Variants in SYNE2 observed in about 807,000 individuals in gnomAD.
SYNE2 encodes nesprin-2.
A neutral mutation model predicts 856.3 loss-of-function variants in SYNE2; 431 were observed. That is an observed-to-expected ratio of 0.50 (90% confidence interval 0.47 to 0.55). The LOEUF (loss-of-function observed/expected upper bound fraction) is 0.55, where lower values mean the gene tolerates loss of function less well. Among genes scored for constraint, SYNE2 ranks in the 20% least tolerant of loss-of-function variants. The pLI, the probability that SYNE2 is intolerant of heterozygous loss-of-function variation, is 0.00. For synonymous variants in SYNE2, 2,923 were observed against 2,872.3 expected (o/e 1.02, Z -0.56); for missense variants, 8,129 against 8,023.2 (o/e 1.01, Z -0.50).
intron 1 of SYNE2, among the ~76,000 whole-genome samples, chr14:63,858,927 T>TC (rs1367879152): frequency 4.6e-5 from 7 of 152,222 alleles, no homozygotes; most frequent in African/African-American, 1.7e-4. Flanking sequence ...AAAGGCTTTC[T>TC]CCTATGATTT....
chr14:64,219,842 G>A (rs1033255908), intron 110 of SYNE2, among the ~76,000 whole-genome samples: 11 of 152,130 alleles, frequency 7.2e-5, no homozygotes, highest in Non-Finnish European at 1.6e-4. Flanking sequence ...GATGAATCCC[G>A]TGGCCTGACC....
At chr14:64,208,532 G>GTCCTA (rs1481833736) in intron 100 of SYNE2, among the ~76,000 whole-genome samples, 1 of 152,196 alleles carries the variant, frequency 6.6e-6, no homozygotes, top group Non-Finnish European at 1.5e-5. Context: ...CAGCGCATAA[G>GTCCTA]TCCTAGATGT....
In SYNE2 at chr14:64,202,378, G is replaced by A. The variant is rs2098577069; in HGVS notation, c.18039-423G>A. On this transcript the variant is annotated intron_variant, in intron 99 of 115. Coordinates refer to ENST00000555002, the MANE Select transcript of SYNE2 (RefSeq NM_182914.3). Reference sequence around the variant, plus strand: ...CGTGTAACATCTTTAATCTCCCAGGGTAGATCACCGGCTGCTGCAGTCTCA... The same window carrying A: ...CGTGTAACATCTTTAATCTCCCAGGATAGATCACCGGCTGCTGCAGTCTCA... 5 of 680,640 alleles carry A rather than the reference G, an allele frequency of 7.3e-6. No individual in the cohort carries two copies. The South Asian group carries it at 7.9e-5, about 11-fold the overall frequency. The allele number at this position is 680,640 out of a possible 1,614,324, so 42.2% of individuals were successfully genotyped here.
intron 97 of SYNE2, among the ~76,000 whole-genome samples, chr14:64,188,073 A>G (rs1374712093): frequency 1.3e-5 from 2 of 152,342 alleles, no homozygotes; most frequent in South Asian, 2.1e-4. Context: ...GAAGCATAAC[A>G]CTAAGGACAT....
At chr14:64,058,249 G>A (rs988895536) in intron 49 of SYNE2, among the ~76,000 whole-genome samples, 8 of 152,110 alleles carry the variant, frequency 5.3e-5, no homozygotes, top group African/African-American at 1.9e-4. Flanking sequence ...AGTTTCATAG[G>A]TCTTAGATTT....
rs2098404851 is a variant in SYNE2, at chr14:64,170,363, G to C, written c.17136G>C (p.Leu5712Phe). 6.2e-7 allele frequency: 1 copy of C among 1,614,162 alleles called. No individual in the cohort carries two copies. Among genetic ancestry groups the C allele is most frequent in the East Asian group, 2.2e-5 (1 of 44,892 alleles). Residue 5712 changes from leucine (L) to phenylalanine (F), a missense_variant, in exon 94 of 116, where the codon TTG becomes TTC. Leu to Phe is a conservative substitution (Grantham distance 22). Transcript: ENST00000555002. ...WQDFTTSVEN[L>F]FRFLTDTSHL... ...ATTTCACTACTTCTGTGGAGAACTT[G>C]TTTCGCTTCCTCACTGACACCAGCC... is the stretch of plus-strand genomic sequence containing the variant.
At chr14:64,163,924 C>CT (rs888503721) in intron 89 of SYNE2, among the ~76,000 whole-genome samples, 1 of 151,738 alleles carries the variant, frequency 6.6e-6, no homozygotes, top group Non-Finnish European at 1.5e-5. Flanking sequence ...TCTTCATTCA[C>CT]TTTTTTTTAT....
intron 85 of SYNE2, 133 bp from the exon 86 acceptor site, chr14:64,158,492 C>T (rs962315500): frequency 3.8e-5 from 36 of 948,600 alleles, no homozygotes; most frequent in Non-Finnish European, 5.2e-5. Flanking sequence ...ACCCTTTCCA[C>T]CTTCAGTTAA....
chr14:63,976,751 G>A lies in SYNE2; in HGVS notation c.1293+24G>A, dbSNP rs369273360. 4.2e-5 allele frequency: 67 copies of A among 1,607,944 alleles called. No individual in the cohort carries two copies. In the African/African-American group the frequency reaches 7.3e-4, roughly 18 times the overall value. ...AGGTTGGAAAAGAAAAAAAAGAGAT[G>A]TAGGAAAATACATATTTTGTTAGGG... is the stretch of plus-strand genomic sequence containing the variant. On this transcript the variant is annotated intron_variant, in intron 12 of 115. Transcript: ENST00000555002.
At chr14:64,109,039 C>T (rs537405584) in intron 65 of SYNE2, among the ~76,000 whole-genome samples, 68 of 152,056 alleles carry the variant, frequency 4.5e-4, no homozygotes, top group Non-Finnish European at 8.8e-4. Flanking sequence ...TCACGCCTGG[C>T]TAATTTTTGT....
intron 55 of SYNE2, among the ~76,000 whole-genome samples, chr14:64,079,925 C>G (rs2097505316): frequency 6.6e-6 from 1 of 152,154 alleles, no homozygotes; most frequent in Non-Finnish European, 1.5e-5. Flanking sequence ...GTCTTGAACT[C>G]CTGGCCTCAA....
chr14:64,011,436 T>G (rs1213066023), intron 32 of SYNE2, among the ~76,000 whole-genome samples: 1 of 152,084 alleles, frequency 6.6e-6, no homozygotes, highest in Non-Finnish European at 1.5e-5. Context: ...GTTTCCTAGG[T>G]TCTTAGAGAA....
intron 78 of SYNE2, among the ~76,000 whole-genome samples, chr14:64,137,355 A>G (rs1421980272): frequency 1.3e-5 from 2 of 152,014 alleles, no homozygotes; most frequent in Non-Finnish European, 2.9e-5. Flanking sequence ...GTGCGCCACC[A>G]AGTCCCGCCT....
chr14:63,935,809 T>C (rs2095823536), intron 2 of SYNE2, among the ~76,000 whole-genome samples: 1 of 151,822 alleles, frequency 6.6e-6, no homozygotes. Flanking sequence ...AGTCCAGGAG[T>C]TCAAGACCAG....
Position 64,130,263 on chromosome 14 carries a change from T to C in SYNE2, c.14340+15T>C, listed in dbSNP as rs762073701. The C allele has an allele frequency of 2.5e-6, 4 of 1,604,812 alleles. No homozygotes were observed. In the South Asian group the frequency reaches 3.3e-5, roughly 13 times the overall value. The stretch of plus-strand genomic sequence containing the variant: ...AAAATCACAAGGTGAGACAGACACA[T>C]GGGTCGGGTGACCCCTTCATAGACT... On this transcript the variant is annotated intron_variant, in intron 76 of 115. Coordinates refer to ENST00000555002, the MANE Select transcript of SYNE2 (RefSeq NM_182914.3).
intron 3 of SYNE2, among the ~76,000 whole-genome samples, chr14:63,941,142 CA>C (rs2095909412): frequency 6.6e-6 from 1 of 152,156 alleles, no homozygotes; most frequent in African/African-American, 2.4e-5. Context: ...TGTGGTCACA[CA>C]GCTTAAAAGT....
rs888915541 is a variant in SYNE2, at chr14:64,190,587, T to C, written c.18038+350T>C. 74 of 701,872 alleles carry C rather than the reference T, an allele frequency of 1.1e-4. No individual in the cohort carries two copies. The East Asian group carries it at 2.0e-3, about 19-fold the overall frequency. 43.5% of individuals were successfully genotyped at this position (701,872 alleles called of 1,614,324 possible). ...TGTCCCCACAGTGGAGCCATGCCCG[T>C]TGCTCCTGCCTCAGTATGGCAGATC... On this transcript the variant is annotated intron_variant, in intron 99 of 115. Transcript: ENST00000555002.
chr14:64,223,578 T>A (rs1387798697), intron 113 of SYNE2, among the ~76,000 whole-genome samples, 198 bp downstream of exon 113: 1 of 152,026 alleles, frequency 6.6e-6, no homozygotes. Flanking sequence ...TTGTCATTTT[T>A]AAAAGGGAGT....
intron 1 of SYNE2, among the ~76,000 whole-genome samples, chr14:63,843,357 T>C (rs1222779032): frequency 6.6e-6 from 1 of 152,170 alleles, no homozygotes; most frequent in African/African-American, 2.4e-5. Context: ...GTGTGTTAAT[T>C]TTAAATCTAG....
Sources: gnomAD v4.1 joint callset for allele counts (sites outside exome capture counted in the v4.1 genomes callset) on GRCh38, gnomAD v4.1.1 for gene constraint, MANE v1.5 for transcripts, NCBI Gene and HGNC (gene_info 2026-07-23, HGNC 2026-07-21) for gene names.